The following PDGFD variants were observed in gnomAD, a reference collection of about 807,000 sequenced individuals.
PDGFD encodes platelet-derived growth factor D.
Under a neutral mutation model 44.7 loss-of-function variants are expected in PDGFD, and 30 were observed. The ratio of observed to expected loss-of-function variants is 0.67; its 90% CI spans 0.50 to 0.91. The LOEUF (loss-of-function observed/expected upper bound fraction) is 0.91. PDGFD is among the 40% of genes least tolerant of loss of function. The pLI is 0.00. For synonymous variants in PDGFD, 173 were observed against 168.4 expected (o/e 1.03, Z -0.21); for missense variants, 445 against 457.8 (o/e 0.97, Z 0.25).
At chr11:103,970,910 G>A (rs906977118) in intron 3 of PDGFD, among the ~76,000 whole-genome samples, 5 of 152,046 alleles carry the variant, frequency 3.3e-5, no homozygotes, top group African/African-American at 1.2e-4. Flanking sequence ...TGGAAGCAGT[G>A]GAAAAGCCAT....
chr11:104,049,769 C>A (rs951641615), intron 1 of PDGFD, among the ~76,000 whole-genome samples: 2 of 152,086 alleles, frequency 1.3e-5, no homozygotes, highest in African/African-American at 2.4e-5. Context: ...CCTGTCAAAT[C>A]TGGCTGGGAG....
intron 1 of PDGFD, among the ~76,000 whole-genome samples, chr11:104,106,818 A>T (rs1390369276): frequency 6.7e-6 from 1 of 149,254 alleles, no homozygotes; most frequent in African/African-American, 2.5e-5. Flanking sequence ...ATCTCGGCTC[A>T]TTGCAACCTC....
intron 6 of PDGFD, among the ~76,000 whole-genome samples, chr11:103,917,485 C>G (rs1017904469): frequency 1.3e-5 from 2 of 152,050 alleles, no homozygotes; most frequent in African/African-American, 4.8e-5. Flanking sequence ...TCCCGGTTAG[C>G]CTTTATTTTT....
intron 1 of PDGFD, among the ~76,000 whole-genome samples, chr11:104,126,547 G>A (rs1861843755): frequency 6.6e-6 from 1 of 152,166 alleles, no homozygotes; most frequent in Admixed American, 6.5e-5. Context: ...CTTACTATGT[G>A]CTAGGCATTA....
chr11:103,909,843 G>A (rs776593505), intron 6 of PDGFD, 24 bp from the exon 7 acceptor site: 4 of 1,613,908 alleles, frequency 2.5e-6, no homozygotes, highest in Non-Finnish European at 3.4e-6. Context: ...CACATCTCCT[G>A]TTAGAAAGCC....
intron 1 of PDGFD, among the ~76,000 whole-genome samples, chr11:104,066,172 C>T (rs896182121): frequency 7.2e-5 from 11 of 152,066 alleles, no homozygotes. Flanking sequence ...GCCATACCTC[C>T]GTCATCTTCC....
intron 3 of PDGFD, among the ~76,000 whole-genome samples, chr11:103,963,375 G>A (rs1200253593): frequency 6.6e-6 from 1 of 152,120 alleles, no homozygotes; most frequent in Non-Finnish European, 1.5e-5. Context: ...TTCTCAAAGA[G>A]GAGATTTTTC....
intron 3 of PDGFD, among the ~76,000 whole-genome samples, chr11:103,958,988 C>T (rs529675031): frequency 1.3e-5 from 2 of 152,266 alleles, no homozygotes; most frequent in East Asian, 1.9e-4. Context: ...GCCAAAGCCA[C>T]AGTCAACACA....
rs1858908728 is a variant in PDGFD at position 103,959,754 on chromosome 11, T to C, written c.511-12030A>G. ...GAAAAAATACTGTTGCCAAACACCA[T>C]GGTTAACATCAGTGAAAGAGACCTC... On this transcript the variant is annotated intron_variant, in intron 3 of 6. Transcript: ENST00000393158. 3.9e-5 allele frequency among the ~76,000 whole-genome samples: 6 copies of C among 152,114 alleles called. No individual in the cohort carries two copies. In the South Asian group the frequency reaches 1.0e-3, roughly 26 times the overall value.
intron 1 of PDGFD, among the ~76,000 whole-genome samples, chr11:104,154,469 T>C (rs914684054): frequency 6.6e-6 from 1 of 152,136 alleles, no homozygotes; most frequent in Non-Finnish European, 1.5e-5. Flanking sequence ...TAAATCACAG[T>C]GACTTCACCC....
intron 3 of PDGFD, among the ~76,000 whole-genome samples, chr11:103,951,340 C>A (rs1053094277): frequency 6.6e-6 from 1 of 152,182 alleles, no homozygotes; most frequent in Non-Finnish European, 1.5e-5. Flanking sequence ...ATGATTATTT[C>A]TCATCTCTTC....
chr11:104,037,140 C>T, intron 1 of PDGFD: 1 of 1,613,864 alleles, frequency 6.2e-7, no homozygotes, highest in Non-Finnish European at 8.5e-7. Context: ...GGACGTCCAG[C>T]TCCCGTCCAC....
intron 3 of PDGFD, among the ~76,000 whole-genome samples, chr11:103,963,863 C>A (rs955718525): frequency 2.0e-5 from 3 of 151,960 alleles, no homozygotes; most frequent in African/African-American, 7.3e-5. Flanking sequence ...CATCTTTTAT[C>A]CAGCCTCCTA....
At chr11:103,997,970 TG>T (rs1231159087) in intron 2 of PDGFD, among the ~76,000 whole-genome samples, 1 of 152,134 alleles carries the variant, frequency 6.6e-6, no homozygotes, top group African/African-American at 2.4e-5. Context: ...ATTTGATTAA[TG>T]GTTCAGAAAG....
chr11:104,069,879 C>T (rs1462536466), intron 1 of PDGFD, among the ~76,000 whole-genome samples: 1 of 152,108 alleles, frequency 6.6e-6, no homozygotes, highest in Non-Finnish European at 1.5e-5. Context: ...AAAAATTATG[C>T]TTTTATAATT....
intron 6 of PDGFD, among the ~76,000 whole-genome samples, chr11:103,924,164 A>T (rs1223649004): frequency 6.6e-6 from 1 of 152,208 alleles, no homozygotes; most frequent in Non-Finnish European, 1.5e-5. Flanking sequence ...GTAATTTTTT[A>T]AATCAAGCTA....
At chr11:103,920,857 T>A (rs916037106) in intron 6 of PDGFD, among the ~76,000 whole-genome samples, 4 of 152,228 alleles carry the variant, frequency 2.6e-5, no homozygotes, top group African/African-American at 9.6e-5. Context: ...TTTTTGCATT[T>A]ACCTAGCATT....
intron 1 of PDGFD, chr11:104,036,750 G>A (rs375847975): frequency 8.1e-7 from 1 of 1,237,780 alleles, no homozygotes; most frequent in Non-Finnish European, 1.2e-6. Flanking sequence ...CGGCACCAAC[G>A]ACGCAGGCCC....
At chr11:104,129,884 CTG>C (rs1861893164) in intron 1 of PDGFD, among the ~76,000 whole-genome samples, 1 of 151,410 alleles carries the variant, frequency 6.6e-6, no homozygotes, top group Non-Finnish European at 1.5e-5. Context: ...TGGCGCATGC[CTG>C]TAATCCCAGC....
Sources: gnomAD v4.1 joint callset for allele counts (sites outside exome capture counted in the v4.1 genomes callset) on GRCh38, gnomAD v4.1.1 for gene constraint, MANE v1.5 for transcripts, NCBI Gene and HGNC (gene_info 2026-07-23, HGNC 2026-07-21) for gene names.